GATAD1: variants seen among roughly 807,000 people sequenced by gnomAD.
The protein encoded by GATAD1 is GATA zinc finger domain containing 1, also known as GATA zinc finger domain-containing protein 1.
A neutral mutation model predicts 26.5 loss-of-function variants in GATAD1; 12 were observed. The ratio of observed to expected loss-of-function variants is 0.45; its 90% CI spans 0.29 to 0.73. The LOEUF is 0.73. Among genes scored for constraint, GATAD1 ranks in the 30% least tolerant of loss-of-function variants. The pLI, the probability that GATAD1 is intolerant of heterozygous loss-of-function variation, is 0.10. For synonymous variants in GATAD1, 129 were observed against 133.1 expected (o/e 0.97, Z 0.21); for missense variants, 266 against 342.1 (o/e 0.78, Z 1.75).
At chr7:92,489,540 TATAAG>T in the GATAD1 span, 1 of 1,065,034 alleles carries the variant, frequency 9.4e-7, no homozygotes, top group Non-Finnish European at 1.4e-6. Flanking sequence ...TTCTCTTCCT[TATAAG>T]ATAATGAAAC....
In GATAD1 at chr7:92,459,407, A is replaced by G. The variant is rs1239167035; in HGVS notation, c.*2845A>G. 6.6e-6 allele frequency: 1 copy of G among 152,164 alleles called. No homozygotes were observed. The highest frequency in any genetic ancestry group is 2.4e-5 in the African/African-American group (1 of 41,444). The allele number at this position is 152,164 out of a possible 1,614,324, so 9.4% of individuals were successfully genotyped here. ...GCAGATGGTTGTGTACCATCTTTTA[A>G]AATAAAGATTGAATTTCACCCAGTG... On this transcript the variant is annotated 3_prime_UTR_variant, in exon 5 of 5. Transcript: ENST00000287957.
chr7:92,472,057 A>G, the GATAD1 span: 9 of 152,184 alleles, frequency 5.9e-5, no homozygotes, highest in Non-Finnish European at 1.3e-4. Context: ...TCAGTATACA[A>G]GTTGAGGTCG....
At chr7:92,456,268 T>C in intron 4 of GATAD1, 104 bp from the exon 5 acceptor site, 3 of 608,766 alleles carry the variant, frequency 4.9e-6, no homozygotes, top group Non-Finnish European at 8.5e-6. Context: ...AATGCCAGGT[T>C]GCTCCCAGAG....
chr7:92,462,640 T>A (rs1367132483), downstream of GATAD1, among the ~76,000 whole-genome samples: 1 of 152,172 alleles, frequency 6.6e-6, no homozygotes, highest in Non-Finnish European at 1.5e-5. Context: ...CCCAAGTTCA[T>A]ATGTTAAAGC....
At chr7:92,470,216 A>G in the GATAD1 span, 3 of 778,630 alleles carry the variant, frequency 3.9e-6, no homozygotes, top group South Asian at 2.7e-5. Flanking sequence ...GTTCCCTTAG[A>G]AAGACTCCTA....
At chr7:92,449,638 C>T in intron 2 of GATAD1, 1 of 976,568 alleles carries the variant, frequency 1.0e-6, no homozygotes, top group Non-Finnish European at 1.2e-6. Context: ...ACAAAGGGAC[C>T]CTGCAGTAGA....
chr7:92,491,336 A>G, the GATAD1 span: 5 of 1,613,976 alleles, frequency 3.1e-6, no homozygotes, highest in South Asian at 2.2e-5. Flanking sequence ...GAGCCGGTAC[A>G]TATTGAATTT....
the GATAD1 span, among the ~76,000 whole-genome samples, chr7:92,483,632 AAG>A: frequency 6.6e-6 from 1 of 152,264 alleles, no homozygotes; most frequent in Non-Finnish European, 1.5e-5. Flanking sequence ...TTTGATGAAA[AAG>A]AGCGTAAACG....
At chr7:92,492,590 AAAC>A in the GATAD1 span, among the ~76,000 whole-genome samples, 24 of 152,260 alleles carry the variant, frequency 1.6e-4, no homozygotes, top group Non-Finnish European at 3.2e-4. Context: ...GTGAGCTTCA[AAAC>A]AACAACTTTA....
the GATAD1 span, among the ~76,000 whole-genome samples, chr7:92,488,773 A>G: frequency 6.8e-6 from 1 of 147,162 alleles, no homozygotes; most frequent in African/African-American, 2.5e-5. Context: ...TCTGTGGCCC[A>G]GGCTGGATGG....
At position 92,456,764 on chromosome 7, in the gene GATAD1, T is replaced by A; in HGVS notation, c.*202T>A. The A allele has an allele frequency of 2.2e-6, 1 of 455,178 alleles. No individual in the cohort carries two copies. 28.2% of individuals were successfully genotyped at this position (455,178 alleles called of 1,614,324 possible). ...GGTATCTTTAAATGAAATTCTTAGC[T>A]GGAAAAGTGACTAAAAAGTTTTTCT... On this transcript the variant is annotated 3_prime_UTR_variant, in exon 5 of 5. Coordinates refer to ENST00000287957, the MANE Select transcript of GATAD1 (RefSeq NM_021167.5).
At chr7:92,485,457 C>A in the GATAD1 span, among the ~76,000 whole-genome samples, 1 of 152,180 alleles carries the variant, frequency 6.6e-6, no homozygotes, top group Admixed American at 6.5e-5. Flanking sequence ...ATAGTCATGG[C>A]CCCTGACCTA....
At chr7:92,465,583 A>G in the GATAD1 span, among the ~76,000 whole-genome samples, 2 of 151,708 alleles carry the variant, frequency 1.3e-5, no homozygotes, top group Non-Finnish European at 2.9e-5. Context: ...ACGCCATTGC[A>G]CTCTAGCCTG....
At chr7:92,494,589 A>G in the GATAD1 span, 1 of 1,614,090 alleles carries the variant, frequency 6.2e-7, no homozygotes, top group Admixed American at 1.7e-5. Context: ...ATGGATTCAA[A>G]TTCATCAAAG....
chr7:92,491,328 G>T, the GATAD1 span: 1 of 1,613,958 alleles, frequency 6.2e-7, no homozygotes, highest in South Asian at 1.1e-5. Flanking sequence ...CCAAAGTAGA[G>T]CCGGTACATA....
chr7:92,450,771 G>A lies in GATAD1; in HGVS notation c.435+11G>A. 6.3e-7 allele frequency: 1 copy of A among 1,576,990 alleles called. No individual in the cohort carries two copies. The highest frequency in any genetic ancestry group is 8.7e-7 in the Non-Finnish European group (1 of 1,146,362). On this transcript the variant is annotated intron_variant, in intron 3 of 4. Coordinates refer to ENST00000287957, the MANE Select transcript of GATAD1 (RefSeq NM_021167.5). Reference sequence around the variant, plus strand: ...TCAATCTTCTACAAGGTAAGCTTTTGTAGAGTTACTGAAGGAAGAGTTGGG... The same window carrying A: ...TCAATCTTCTACAAGGTAAGCTTTTATAGAGTTACTGAAGGAAGAGTTGGG...
At position 92,447,750 on chromosome 7, in the gene GATAD1, C is replaced by G; in HGVS notation, c.21C>G (p.Pro7=). The change falls in exon 1 of 5, where the codon CCC becomes CCG. Residue 7 remains proline, a synonymous_variant. Coordinates refer to ENST00000287957, the MANE Select transcript of GATAD1 (RefSeq NM_021167.5). The part of the protein sequence containing the change: MPLGLK[P]TCSVCKTTSS... The stretch of plus-strand genomic sequence containing the variant: ...CCACCATGCCGCTGGGCCTGAAGCC[C>G]ACCTGCAGCGTATGCAAGACCACGT... 1 of 1,497,456 alleles carries G rather than the reference C, an allele frequency of 6.7e-7. No individual in the cohort carries two copies. The highest frequency in any genetic ancestry group is 8.9e-7 in the Non-Finnish European group (1 of 1,122,920). 92.8% of individuals were successfully genotyped at this position (1,497,456 alleles called of 1,614,324 possible). A position where few individuals can be genotyped will look rare whatever the true frequency, so the allele number is the denominator to read the frequency against.
the GATAD1 span, chr7:92,470,018 C>A: frequency 5.1e-5 from 40 of 778,670 alleles, no homozygotes; most frequent in Middle Eastern, 1.4e-3. Context: ...CTTGCCTGAT[C>A]TTGAACTCCA....
chr7:92,491,543 AATTTT>A, the GATAD1 span: 362 of 1,177,456 alleles, frequency 3.1e-4, 2 homozygotes, highest in African/African-American at 4.8e-3. Context: ...AGATGTAAAC[AATTTT>A]AGTCTCAGAA....
Sources: allele counts gnomAD v4.1 joint callset (sites outside exome capture counted in the v4.1 genomes callset), GRCh38; gene constraint gnomAD v4.1.1; transcripts MANE v1.5; gene names NCBI Gene and HGNC (gene_info 2026-07-23, HGNC 2026-07-21).